TENM3: variants seen among roughly 807,000 people sequenced by gnomAD.
The protein encoded by TENM3 is teneurin transmembrane protein 3.
Under a neutral mutation model 255.1 loss-of-function variants are expected in TENM3, and 63 were observed. That is an observed-to-expected ratio of 0.25 (90% confidence interval 0.20 to 0.30). The LOEUF is 0.30. TENM3 is among the 10% of genes least tolerant of loss of function. The pLI is 1.00. For synonymous variants in TENM3, 1,306 were observed against 1,322.3 expected (o/e 0.99, Z 0.27); for missense variants, 2,929 against 3,461.1 (o/e 0.85, Z 3.86).
chr4:181,807,611 C>T, the TENM3 span, among the ~76,000 whole-genome samples: 1 of 152,136 alleles, frequency 6.6e-6, no homozygotes, highest in African/African-American at 2.4e-5. Context: ...CCTCGGCCTC[C>T]CAAAGTGCTG....
the TENM3 span, among the ~76,000 whole-genome samples, chr4:182,120,522 C>T: frequency 6.6e-6 from 1 of 151,856 alleles, no homozygotes; most frequent in East Asian, 1.9e-4. Flanking sequence ...ATATATGTAA[C>T]AAATAGGTAA....
chr4:181,705,715 C>T, the TENM3 span, among the ~76,000 whole-genome samples: 1 of 152,110 alleles, frequency 6.6e-6, no homozygotes, highest in Non-Finnish European at 1.5e-5. Flanking sequence ...GTGTAACAAA[C>T]CTGCACATCC....
the TENM3 span, among the ~76,000 whole-genome samples, chr4:181,886,198 G>A: frequency 1.0e-3 from 155 of 151,980 alleles, 1 homozygote; most frequent in Non-Finnish European, 1.8e-3. Flanking sequence ...GACTACAGGC[G>A]CGTGCCACCA....
At chr4:182,103,165 C>G in the TENM3 span, among the ~76,000 whole-genome samples, 2 of 152,346 alleles carry the variant, frequency 1.3e-5, no homozygotes, top group South Asian at 2.1e-4. Flanking sequence ...TTATATTAAT[C>G]TGTACAGTTC....
At chr4:181,996,070 A>G in the TENM3 span, among the ~76,000 whole-genome samples, 1 of 151,864 alleles carries the variant, frequency 6.6e-6, no homozygotes, top group Non-Finnish European at 1.5e-5. Context: ...TTAAGAGGAA[A>G]GCATTGGAAT....
chr4:182,311,902 G>C (rs369380995), intron 1 of TENM3, among the ~76,000 whole-genome samples: 9 of 152,138 alleles, frequency 5.9e-5, no homozygotes, highest in East Asian at 3.9e-4. Flanking sequence ...AGCTGTAGTT[G>C]TTTTGAAGTC....
intron 3 of TENM3, among the ~76,000 whole-genome samples, chr4:182,552,270 G>A (rs760495519): frequency 2.6e-5 from 4 of 151,992 alleles, no homozygotes; most frequent in Non-Finnish European, 4.4e-5. Context: ...TGCCCTCCCC[G>A]CCACCATCTC....
At chr4:182,092,462 A>G in the TENM3 span, among the ~76,000 whole-genome samples, 1 of 152,142 alleles carries the variant, frequency 6.6e-6, no homozygotes, top group African/African-American at 2.4e-5. Context: ...AGCCTGAGCA[A>G]CATAACAAGA....
chr4:182,551,152 G>T (rs981766478), intron 3 of TENM3, among the ~76,000 whole-genome samples: 1 of 151,540 alleles, frequency 6.6e-6, no homozygotes, highest in Non-Finnish European at 1.5e-5. Flanking sequence ...AACCCGGGAG[G>T]TGGAGGTTGC....
intron 3 of TENM3, among the ~76,000 whole-genome samples, chr4:182,481,530 C>A (rs530939395): frequency 1.3e-5 from 2 of 152,220 alleles, no homozygotes; most frequent in East Asian, 3.9e-4. Context: ...CACGGTGGCT[C>A]ACACCTGTAA....
chr4:181,521,292 G>A, the TENM3 span, among the ~76,000 whole-genome samples: 5 of 152,292 alleles, frequency 3.3e-5, no homozygotes, highest in African/African-American at 7.2e-5. Flanking sequence ...GAGGTTCCTC[G>A]CTCTTTGTTA....
chr4:182,204,997 G>A (rs562319866), intron 1 of TENM3, among the ~76,000 whole-genome samples: 1 of 152,322 alleles, frequency 6.6e-6, no homozygotes, highest in African/African-American at 2.4e-5. Context: ...TGGATCAGCT[G>A]ACACATGGTC....
chr4:181,785,048 G>T, the TENM3 span, among the ~76,000 whole-genome samples: 1 of 152,068 alleles, frequency 6.6e-6, no homozygotes, highest in African/African-American at 2.4e-5. Flanking sequence ...ATGCAGGAAG[G>T]GTGTGCCTAA....
the TENM3 span, among the ~76,000 whole-genome samples, chr4:181,652,919 ATTC>A: frequency 1.3e-5 from 2 of 152,150 alleles, no homozygotes; most frequent in East Asian, 3.8e-4. Flanking sequence ...CCTCTCTAAA[ATTC>A]TTCTCTTTTG....
At chr4:182,088,849 A>AG in the TENM3 span, among the ~76,000 whole-genome samples, 25 of 142,928 alleles carry the variant, frequency 1.7e-4, no homozygotes, top group Non-Finnish European at 2.9e-4. Context: ...AAAAAAAAAA[A>AG]AAAGAGAGAG....
chr4:182,235,027 C>A (rs1756809051), intron 1 of TENM3, among the ~76,000 whole-genome samples: 2 of 151,986 alleles, frequency 1.3e-5, no homozygotes, highest in South Asian at 4.1e-4. Context: ...TCAGTCAGGG[C>A]ACACACATAG....
At chr4:182,046,074 C>A in the TENM3 span, among the ~76,000 whole-genome samples, 4 of 152,154 alleles carry the variant, frequency 2.6e-5, no homozygotes, top group East Asian at 7.8e-4. Flanking sequence ...TTTATTAACT[C>A]AGGAATCAGA....
chr4:181,468,430 T>C, the TENM3 span, among the ~76,000 whole-genome samples: 2 of 152,220 alleles, frequency 1.3e-5, no homozygotes, highest in Admixed American at 1.3e-4. Flanking sequence ...CATTTTATTT[T>C]ACAAAATCAG....
intron 22 of TENM3, among the ~76,000 whole-genome samples, chr4:182,765,360 C>T (rs1215125034): frequency 6.6e-6 from 1 of 152,136 alleles, no homozygotes; most frequent in Non-Finnish European, 1.5e-5. Flanking sequence ...CTGAAGGATC[C>T]ACTTTCTCCT....
Sources: allele counts gnomAD v4.1 joint callset (sites outside exome capture counted in the v4.1 genomes callset), GRCh38; gene constraint gnomAD v4.1.1; transcripts MANE v1.5; gene names NCBI Gene and HGNC (gene_info 2026-07-23, HGNC 2026-07-21).